The following OSBPL6 variants were observed in gnomAD, a reference collection of about 807,000 sequenced individuals.
OSBPL6 encodes oxysterol-binding protein-related protein 6.
OSBPL6 carries 49 observed loss-of-function variants against 125.8 expected under a neutral mutation model. The observed-to-expected ratio is 0.39, with a 90% confidence interval of 0.31 to 0.49. The LOEUF is 0.49. Among genes scored for constraint, OSBPL6 ranks in the 20% least tolerant of loss-of-function variants. The pLI is 0.88. For missense variants in OSBPL6, 986 were observed against 1,135.4 expected (o/e 0.87, Z 1.89); for synonymous variants, 394 against 391.8 (o/e 1.01, Z -0.07).
chr2:178,396,047 G>T lies in OSBPL6; in HGVS notation c.*488G>T. The stretch of plus-strand genomic sequence containing the variant: ...CTGTTTGATGTGGTGTGATTGTGCT[G>T]GCCTTGTCGAAAAAGATGTGATGCT... On this transcript the variant is annotated 3_prime_UTR_variant, in exon 25 of 25. Transcript: ENST00000190611. The T allele has an allele frequency of 4.2e-6, 1 of 236,614 alleles. No individual in the cohort carries two copies. The highest frequency in any genetic ancestry group is 8.6e-6 in the Non-Finnish European group (1 of 115,858). The allele number at this position is 236,614 out of a possible 1,614,324, so 14.7% of individuals were successfully genotyped here.
At chr2:178,244,884 A>G (rs1242682990) in intron 1 of OSBPL6, among the ~76,000 whole-genome samples, 1 of 152,202 alleles carries the variant, frequency 6.6e-6, no homozygotes, top group Non-Finnish European at 1.5e-5. Context: ...TTTTCTCCAC[A>G]TGTGTTACTT....
rs73030651 is a variant in OSBPL6 at position 178,298,320 on chromosome 2, A to G, written c.-155-7710A>G. On this transcript the variant is annotated intron_variant, in intron 2 of 24. Transcript: ENST00000190611. ...TGGGTTGCTTCCGCATTTTGGCTAC[A>G]TGCTGCTATGGACATGGTTGTACAG... is the stretch of plus-strand genomic sequence containing the variant. Among the ~76,000 whole-genome samples the G allele has an allele frequency of 6.7e-3, 1,018 of 152,330 alleles. 11 individuals are homozygous for G. Among genetic ancestry groups the G allele is most frequent in the African/African-American group, 0.024 (981 of 41,568 alleles).
chr2:178,213,447 A>G (rs867528381), intron 1 of OSBPL6, among the ~76,000 whole-genome samples: 2 of 151,674 alleles, frequency 1.3e-5, no homozygotes, highest in Non-Finnish European at 2.9e-5. Context: ...ATCACCCAAC[A>G]CTAAACTCCA....
At chr2:178,343,333 G>A (rs1020433080) in intron 11 of OSBPL6, among the ~76,000 whole-genome samples, 1 of 152,000 alleles carries the variant, frequency 6.6e-6, no homozygotes, top group East Asian at 1.9e-4. Context: ...GCTGCAATGA[G>A]CTATGATCGT....
intron 1 of OSBPL6, among the ~76,000 whole-genome samples, chr2:178,210,824 ACAC>A (rs746670973): frequency 0.12 from 12,624 of 102,868 alleles, 614 homozygotes; most frequent in African/African-American, 0.17. Flanking sequence ...AAAAAAAAAA[ACAC>A]ACACACACAC....
chr2:178,324,287 G>A lies in OSBPL6; in HGVS notation c.195+18G>A, dbSNP rs1255272647. 2 of 1,523,830 alleles carry A rather than the reference G, an allele frequency of 1.3e-6. No homozygotes were observed. The highest frequency in any genetic ancestry group is 1.8e-5 in the Admixed American group (1 of 54,282). The allele number at this position is 1,523,830 out of a possible 1,614,324, so 94.4% of individuals were successfully genotyped here. A position where few individuals can be genotyped will look rare whatever the true frequency, so the allele number is the denominator to read the frequency against. On this transcript the variant is annotated intron_variant, in intron 4 of 24. Coordinates refer to ENST00000190611, the MANE Select transcript of OSBPL6 (RefSeq NM_032523.4). ...TCTCCAAGGTCAGTGATGAAATGCG[G>A]TGCTTTCTCTGCTGGCATGATGCCT...
intron 1 of OSBPL6, among the ~76,000 whole-genome samples, chr2:178,203,803 T>C (rs1157097891): frequency 6.6e-6 from 1 of 152,218 alleles, no homozygotes; most frequent in Non-Finnish European, 1.5e-5. Context: ...TTAAGGCTAA[T>C]TGTTTCCATG....
At chr2:178,343,709 G>A (rs1690432666) in intron 11 of OSBPL6, among the ~76,000 whole-genome samples, 1 of 152,092 alleles carries the variant, frequency 6.6e-6, no homozygotes, top group South Asian at 2.1e-4. Flanking sequence ...GAAAATCCCA[G>A]CACTCTTACT....
intron 1 of OSBPL6, among the ~76,000 whole-genome samples, chr2:178,248,718 G>A (rs2091580642): frequency 6.6e-6 from 1 of 152,082 alleles, no homozygotes; most frequent in Non-Finnish European, 1.5e-5. Context: ...AGGATTGCCA[G>A]TATTAGGTGT....
intron 1 of OSBPL6, among the ~76,000 whole-genome samples, chr2:178,228,711 CT>C (rs2090684326): frequency 6.6e-6 from 1 of 152,040 alleles, no homozygotes; most frequent in Non-Finnish European, 1.5e-5. Context: ...AATAGTCTAC[CT>C]TCTTTTTTTC....
intron 2 of OSBPL6, among the ~76,000 whole-genome samples, chr2:178,296,565 CAA>C (rs1559214383): frequency 6.6e-6 from 1 of 152,096 alleles, no homozygotes; most frequent in African/African-American, 2.4e-5. Context: ...CAAAACAAAA[CAA>C]AACAAAAAGC....
chr2:178,286,766 C>A (rs971529626), intron 2 of OSBPL6, among the ~76,000 whole-genome samples: 1 of 152,128 alleles, frequency 6.6e-6, no homozygotes, highest in Non-Finnish European at 1.5e-5. Context: ...GATTTAGAGT[C>A]CATTTTCTAG....
chr2:178,352,513 G>A (rs781608520), intron 12 of OSBPL6, among the ~76,000 whole-genome samples: 24 of 152,138 alleles, frequency 1.6e-4, no homozygotes, highest in Non-Finnish European at 2.8e-4. Flanking sequence ...ATCGAACTGC[G>A]AGGCGGCAGA....
intron 1 of OSBPL6, among the ~76,000 whole-genome samples, chr2:178,220,948 A>G (rs1387067546): frequency 6.6e-6 from 1 of 152,198 alleles, no homozygotes; most frequent in Non-Finnish European, 1.5e-5. Flanking sequence ...AGCATCTGAA[A>G]AAAATCGCCC....
chr2:178,320,258 T>G, intron 3 of OSBPL6: 2 of 1,608,434 alleles, frequency 1.2e-6, no homozygotes, highest in Admixed American at 3.4e-5. Flanking sequence ...CACTTGCTGC[T>G]CAGGAGGTAT....
intron 15 of OSBPL6, among the ~76,000 whole-genome samples, chr2:178,379,631 A>G (rs1045546895): frequency 7.9e-5 from 12 of 152,230 alleles, no homozygotes; most frequent in African/African-American, 1.2e-4. Flanking sequence ...TGTCTCCTCA[A>G]ACATAATTGT....
intron 1 of OSBPL6, among the ~76,000 whole-genome samples, chr2:178,262,375 G>A (rs1210886160): frequency 6.6e-6 from 1 of 152,094 alleles, no homozygotes; most frequent in African/African-American, 2.4e-5. Context: ...TCCATAATAT[G>A]TATTGCAAAA....
At chr2:178,293,568 G>A (rs543714527) in intron 2 of OSBPL6, among the ~76,000 whole-genome samples, 1 of 152,160 alleles carries the variant, frequency 6.6e-6, no homozygotes, top group South Asian at 2.1e-4. Context: ...TTTGATATAG[G>A]CATGCAATGT....
intron 3 of OSBPL6, among the ~76,000 whole-genome samples, chr2:178,323,110 T>C (rs1340096294): frequency 2.0e-5 from 3 of 152,082 alleles, no homozygotes; most frequent in South Asian, 2.1e-4. Context: ...GTACTTTTTT[T>C]CCCCCGCAAG....
Sources: gnomAD v4.1 joint callset for allele counts (sites outside exome capture counted in the v4.1 genomes callset) on GRCh38, gnomAD v4.1.1 for gene constraint, MANE v1.5 for transcripts, NCBI Gene and HGNC (gene_info 2026-07-23, HGNC 2026-07-21) for gene names.